Variants in PFDN1 observed in about 807,000 individuals in gnomAD.
PFDN1 encodes the protein prefoldin subunit 1, also known as prefoldin 1.
Under a neutral mutation model 17.3 loss-of-function variants are expected in PFDN1, and 6 were observed. That is an observed-to-expected ratio of 0.35 (90% confidence interval 0.19 to 0.69). The LOEUF is 0.69. PFDN1 is among the 30% of genes least tolerant of loss of function. The pLI is 0.65. For synonymous variants in PFDN1, 58 were observed against 50.1 expected (o/e 1.16, Z -0.67); for missense variants, 113 against 146.2 (o/e 0.77, Z 1.17).
intron 3 of PFDN1, among the ~76,000 whole-genome samples, chr5:140,247,756 T>C (rs1764850178): frequency 6.6e-6 from 1 of 152,060 alleles, no homozygotes; most frequent in African/African-American, 2.4e-5. Context: ...CTGGCCAACA[T>C]GGCAAAACCC....
chr5:140,300,412 T>C lies in PFDN1; in HGVS notation c.200+4A>G. 1 of 1,586,890 alleles carries C rather than the reference T, an allele frequency of 6.3e-7. No homozygotes were observed. Among genetic ancestry groups the C allele is most frequent in the Non-Finnish European group, 8.6e-7 (1 of 1,160,464 alleles). On this transcript the variant is annotated splice_donor_region_variant and intron_variant, in intron 2 of 3. Coordinates refer to ENST00000261813, the MANE Select transcript of PFDN1 (RefSeq NM_002622.5). ...TAACTCCATTAAGGACACATTTTAC[T>C]TACATTCTTCCTACACCTTCATACA...
chr5:140,303,085 G>A lies in PFDN1; in HGVS notation c.-12C>T. On this transcript the variant is annotated 5_prime_UTR_variant, in exon 1 of 4. Transcript: ENST00000261813. ...ACGGGGGCGGCCATCTTGGTGCACT[G>A]TAAGCGCCTGCGCAGTGGGAGTTGG... 1.2e-6 allele frequency: 2 copies of A among 1,609,560 alleles called. No homozygotes were observed.
chr5:140,301,236 A>G (rs1765741020), intron 1 of PFDN1, among the ~76,000 whole-genome samples: 1 of 152,182 alleles, frequency 6.6e-6, no homozygotes, highest in Non-Finnish European at 1.5e-5. Flanking sequence ...GTCTATAGTA[A>G]TATTCATAAT....
At chr5:140,256,658 CAAAAAAAAAAAA>C (rs757723797) in intron 3 of PFDN1, among the ~76,000 whole-genome samples, 19 of 39,906 alleles carry the variant, frequency 4.8e-4, no homozygotes, top group African/African-American at 1.1e-3. Flanking sequence ...CAAAAAATGA[CAAAAAAAAAAAA>C]AAAAAAAAAA....
chr5:140,257,309 A>G (rs1207209213), intron 3 of PFDN1, among the ~76,000 whole-genome samples: 1 of 151,582 alleles, frequency 6.6e-6, no homozygotes, highest in African/African-American at 2.4e-5. Flanking sequence ...CAGGCTCCAC[A>G]TGGCCTCACT....
chr5:140,297,809 T>C (rs1367002013), intron 2 of PFDN1, among the ~76,000 whole-genome samples: 15 of 152,228 alleles, frequency 9.9e-5, no homozygotes. Flanking sequence ...GAAACTATTC[T>C]AATTAAAAAT....
intron 2 of PFDN1, among the ~76,000 whole-genome samples, chr5:140,298,647 A>G (rs1765688250): frequency 6.6e-6 from 1 of 152,226 alleles, no homozygotes; most frequent in South Asian, 2.1e-4. Flanking sequence ...TACGAAGTTA[A>G]TAATGTATTA....
intron 3 of PFDN1, among the ~76,000 whole-genome samples, chr5:140,274,770 G>A (rs1323602847): frequency 1.3e-5 from 2 of 152,126 alleles, no homozygotes; most frequent in Admixed American, 6.5e-5. Flanking sequence ...AGCACTTTAG[G>A]AGGCTGAGGC....
chr5:140,272,176 G>A (rs2126686718), intron 3 of PFDN1, among the ~76,000 whole-genome samples: 1 of 151,550 alleles, frequency 6.6e-6, no homozygotes, highest in Non-Finnish European at 1.5e-5. Flanking sequence ...CGTGCCACCA[G>A]GCCCAGCTAA....
chr5:140,288,906 A>C (rs992669081), intron 2 of PFDN1, among the ~76,000 whole-genome samples: 3 of 151,768 alleles, frequency 2.0e-5, no homozygotes, highest in Non-Finnish European at 4.4e-5. Flanking sequence ...AATTGCTTGA[A>C]CCCAGAAGGC....
rs1395143528 is a variant in PFDN1, at chr5:140,301,022, TAATA to T, written c.34-444_34-441del. Among the ~76,000 whole-genome samples, 7 of 152,336 alleles carry T rather than the reference TAATA, an allele frequency of 4.6e-5. No homozygotes were observed. The South Asian group carries it at 1.0e-3, about 23-fold the overall frequency. ...ATATAAGAATATTAATGAGGAAATATAATAAATATCTCATTTATGCCTCTCAGTA... is the reference window on the plus strand; with the variant it reads ...ATATAAGAATATTAATGAGGAAATATAATATCTCATTTATGCCTCTCAGTA... On this transcript the variant is annotated intron_variant, in intron 1 of 3. Transcript: ENST00000261813.
intron 3 of PFDN1, among the ~76,000 whole-genome samples, chr5:140,261,432 T>G (rs1765064355): frequency 6.6e-6 from 1 of 152,184 alleles, no homozygotes; most frequent in South Asian, 2.1e-4. Context: ...AGAGTAAACT[T>G]CTATGTGATC....
At chr5:140,297,316 A>T (rs1380129264) in intron 2 of PFDN1, among the ~76,000 whole-genome samples, 1 of 152,234 alleles carries the variant, frequency 6.6e-6, no homozygotes, top group Non-Finnish European at 1.5e-5. Context: ...TAAAGAAGTG[A>T]ATCACAATGA....
intron 2 of PFDN1, among the ~76,000 whole-genome samples, chr5:140,291,605 G>A (rs1233594376): frequency 1.3e-5 from 2 of 151,658 alleles, no homozygotes; most frequent in Non-Finnish European, 2.9e-5. Context: ...GGAGTTGTCA[G>A]TATATAAAAA....
At chr5:140,269,468 G>A (rs1355587380) in intron 3 of PFDN1, among the ~76,000 whole-genome samples, 5 of 151,882 alleles carry the variant, frequency 3.3e-5, no homozygotes, top group East Asian at 3.9e-4. Context: ...ACAGGCATGC[G>A]CCACCACGCC....
At chr5:140,303,007 A>G in intron 1 of PFDN1, 34 bp downstream of exon 1, 1 of 1,535,998 alleles carries the variant, frequency 6.5e-7, no homozygotes, top group Non-Finnish European at 9.0e-7. Context: ...GCCTCCAAAA[A>G]GAAGACCTCC....
intron 3 of PFDN1, chr5:140,262,474 G>A (rs1433686158): frequency 1.8e-5 from 8 of 454,044 alleles, no homozygotes; most frequent in African/African-American, 4.0e-5. Context: ...TTCATGAGAT[G>A]GCTTCACACA....
At chr5:140,273,263 A>AGAAAAACAGAGGTAAGAATCAGT (rs1409559235) in intron 3 of PFDN1, among the ~76,000 whole-genome samples, 20 of 150,494 alleles carry the variant, frequency 1.3e-4, no homozygotes, top group Non-Finnish European at 2.8e-4. Context: ...AAAAAAAAAG[A>AGAAAAACAGAGGTAAGAATCAGT]GAAAAACAGA....
intron 3 of PFDN1, among the ~76,000 whole-genome samples, chr5:140,258,053 CAGAA>C (rs753022153): frequency 6.6e-6 from 1 of 152,062 alleles, no homozygotes; most frequent in Non-Finnish European, 1.5e-5. Flanking sequence ...AGCACAGAGA[CAGAA>C]AGGGTGAGAA....
Sources: allele counts gnomAD v4.1 joint callset (sites outside exome capture counted in the v4.1 genomes callset), GRCh38; gene constraint gnomAD v4.1.1; transcripts MANE v1.5; gene names NCBI Gene and HGNC (gene_info 2026-07-23, HGNC 2026-07-21).